EXOC2: variants seen among roughly 807,000 people sequenced by gnomAD.
EXOC2 encodes the protein exocyst complex component 2, also known as SEC5-like 1.
Under a neutral mutation model 131.8 loss-of-function variants are expected in EXOC2, and 70 were observed. The ratio of observed to expected loss-of-function variants is 0.53; its 90% CI spans 0.44 to 0.65. The LOEUF (loss-of-function observed/expected upper bound fraction) is 0.65, where lower values mean the gene tolerates loss of function less well. Among genes scored for constraint, EXOC2 ranks in the 30% least tolerant of loss-of-function variants. EXOC2 has a pLI of 0.00. For synonymous variants in EXOC2, 411 were observed against 398.4 expected (o/e 1.03, Z -0.38); for missense variants, 923 against 1,108.6 (o/e 0.83, Z 2.38).
In EXOC2 at chr6:564,196, T is replaced by A. The variant is rs781710929; in HGVS notation, c.1668-42A>T. 1.4e-5 allele frequency: 22 copies of A among 1,603,388 alleles called. No homozygotes were observed. The East Asian group carries it at 4.7e-4, about 34-fold the overall frequency. On this transcript the variant is annotated intron_variant, in intron 15 of 27. Transcript: ENST00000230449. ...CCAAACAGAAGTGAGCAGAGTGGGA[T>A]CGCAAAGCAATCCCTAGCATCTCTT...
intron 1 of EXOC2, among the ~76,000 whole-genome samples, chr6:683,090 C>G (rs756695391): frequency 3.2e-4 from 48 of 152,222 alleles, no homozygotes; most frequent in Non-Finnish European, 6.3e-4. Flanking sequence ...TACTGAAACC[C>G]AGGGTGAAGA....
intron 25 of EXOC2, among the ~76,000 whole-genome samples, chr6:495,384 A>G (rs1275063985): frequency 1.3e-5 from 2 of 150,772 alleles, no homozygotes; most frequent in Non-Finnish European, 2.9e-5. Flanking sequence ...TCGGCCTCCC[A>G]AAGTGCTGGG....
At chr6:559,972 C>T (rs1581438409) in intron 17 of EXOC2, among the ~76,000 whole-genome samples, 1 of 152,222 alleles carries the variant, frequency 6.6e-6, no homozygotes, top group African/African-American at 2.4e-5. Context: ...AACCTGCCTG[C>T]ACCTGCTTCA....
chr6:533,866 G>A (rs2493037), intron 22 of EXOC2, among the ~76,000 whole-genome samples: 28,925 of 152,074 alleles, frequency 0.19, 3,682 homozygotes, highest in African/African-American at 0.36. Context: ...GAGCTGCAAC[G>A]AACTACAGTG....
At chr6:556,044 G>A (rs770895377) in intron 18 of EXOC2, 31 bp from the exon 19 acceptor site, 1 of 1,607,388 alleles carries the variant, frequency 6.2e-7, no homozygotes, top group Admixed American at 1.7e-5. Flanking sequence ...GAAAATTTTT[G>A]GACTTTGCTA....
intron 1 of EXOC2, among the ~76,000 whole-genome samples, chr6:661,301 A>T (rs1763413933): frequency 6.6e-6 from 1 of 152,200 alleles, no homozygotes; most frequent in African/African-American, 2.4e-5. Flanking sequence ...CACCTGGGAA[A>T]TTCATTGCAA....
rs182136759 is a variant in EXOC2, at chr6:559,762, A to G, written c.1851+3022T>C. ...GGTCTGGAGGCTTCCAGGGAAGCAC[A>G]CACTGGCTGACCACGTGTACCCGAG... is the stretch of plus-strand genomic sequence containing the variant. On this transcript the variant is annotated intron_variant, in intron 17 of 27. Coordinates refer to ENST00000230449, the MANE Select transcript of EXOC2 (RefSeq NM_018303.6). Among the ~76,000 whole-genome samples the G allele has an allele frequency of 1.7e-3, 253 of 152,344 alleles. 2 individuals are homozygous for G. Among genetic ancestry groups the G allele is most frequent in the African/African-American group, 4.9e-3 (204 of 41,584 alleles).
At chr6:645,481 T>C (rs1021099656) in intron 1 of EXOC2, among the ~76,000 whole-genome samples, 1 of 152,142 alleles carries the variant, frequency 6.6e-6, no homozygotes, top group Non-Finnish European at 1.5e-5. Context: ...AGAAAATAAA[T>C]AGGCAACTAC....
chr6:652,293 G>A lies in EXOC2; in HGVS notation c.-43-14432C>T, dbSNP rs188083886. On this transcript the variant is annotated intron_variant, in intron 1 of 27. Coordinates refer to ENST00000230449, the MANE Select transcript of EXOC2 (RefSeq NM_018303.6). ...GCATTAAATCAGAATCTAGCCCAACGGAAACACATCTTAGTAAGCCAGAGG... is the reference window on the plus strand; with the variant it reads ...GCATTAAATCAGAATCTAGCCCAACAGAAACACATCTTAGTAAGCCAGAGG... Among the ~76,000 whole-genome samples the A allele has an allele frequency of 1.2e-4, 18 of 152,236 alleles. No individual in the cohort carries two copies. The East Asian group carries it at 2.5e-3, about 21-fold the overall frequency.
chr6:588,572 G>C (rs1444557679), intron 11 of EXOC2, among the ~76,000 whole-genome samples: 2 of 152,128 alleles, frequency 1.3e-5, no homozygotes, highest in Non-Finnish European at 1.5e-5. Flanking sequence ...CCAGGCTGGT[G>C]TTGAACTCCT....
At chr6:596,723 A>G (rs1267965754) in intron 10 of EXOC2, among the ~76,000 whole-genome samples, 1 of 152,190 alleles carries the variant, frequency 6.6e-6, no homozygotes, top group Non-Finnish European at 1.5e-5. Context: ...ATAAATACAT[A>G]GTCTGTCATT....
intron 23 of EXOC2, among the ~76,000 whole-genome samples, chr6:513,125 G>A (rs768428500): frequency 3.3e-5 from 5 of 152,190 alleles, no homozygotes; most frequent in African/African-American, 4.8e-5. Context: ...GTCTTTTGGC[G>A]GGCATAAACA....
At chr6:515,123 G>A (rs372691876) in intron 23 of EXOC2, among the ~76,000 whole-genome samples, 49 of 152,198 alleles carry the variant, frequency 3.2e-4, no homozygotes, top group Middle Eastern at 3.4e-3. Flanking sequence ...ACATTGTTAT[G>A]GTATAACAGC....
chr6:656,653 A>C, intron 1 of EXOC2: 6 of 1,607,166 alleles, frequency 3.7e-6, no homozygotes, highest in Non-Finnish European at 4.2e-6. Context: ...TTCAGGGAGG[A>C]CGCGCCCGCT....
chr6:647,781 T>A (rs561236340), intron 1 of EXOC2, among the ~76,000 whole-genome samples: 48 of 151,084 alleles, frequency 3.2e-4, no homozygotes, highest in African/African-American at 1.1e-3. Flanking sequence ...CATTTTGAGG[T>A]CATTTACACA....
chr6:670,989 A>G (rs1340453310), intron 1 of EXOC2, among the ~76,000 whole-genome samples: 4 of 147,672 alleles, frequency 2.7e-5, no homozygotes, highest in African/African-American at 1.0e-4. Flanking sequence ...CTGAGGCAGA[A>G]GGACCACCTA....
rs144720404 is a variant in EXOC2 at position 597,365 on chromosome 6, T to C, written c.1073+656A>G. Among the ~76,000 whole-genome samples the C allele has an allele frequency of 4.1e-3, 631 of 152,050 alleles. 3 individuals carry two copies. Among genetic ancestry groups the C allele is most frequent in the Middle Eastern group, 0.01 (3 of 294 alleles). On this transcript the variant is annotated intron_variant, in intron 10 of 27. Coordinates refer to ENST00000230449, the MANE Select transcript of EXOC2 (RefSeq NM_018303.6). ...CTGATTTTTGTATTTTTAGTAGAGA[T>C]GGGGTTTCACCACATTGGTCAGGCT... is the stretch of plus-strand genomic sequence containing the variant.
chr6:591,100 T>A lies in EXOC2; in HGVS notation c.1192+1369A>T, dbSNP rs1214266879. Among the ~76,000 whole-genome samples, 5 of 152,336 alleles carry A rather than the reference T, an allele frequency of 3.3e-5. No homozygotes were observed. In the East Asian group the frequency reaches 9.6e-4, roughly 29 times the overall value. The stretch of plus-strand genomic sequence containing the variant: ...TATCAGTTCTATTCCTGAACGGCCC[T>A]GGAGTCCATGCTCTTCTTCACATTC... On this transcript the variant is annotated intron_variant, in intron 11 of 27. Transcript: ENST00000230449.
rs755349538 is a variant in EXOC2, at chr6:499,638, A to G, written c.2436+7T>C. On this transcript the variant is annotated splice_region_variant and intron_variant, in intron 24 of 27. Coordinates refer to ENST00000230449, the MANE Select transcript of EXOC2 (RefSeq NM_018303.6). The stretch of plus-strand genomic sequence containing the variant: ...ATATCTCTTAGGAACATCTAATGAT[A>G]CTTTACCTCTGCATGCACGGCAATT... 1.9e-6 allele frequency: 3 copies of G among 1,611,712 alleles called. No individual in the cohort carries two copies. The highest frequency in any genetic ancestry group is 2.5e-6 in the Non-Finnish European group (3 of 1,178,120).
Sources: gnomAD v4.1 joint callset for allele counts (sites outside exome capture counted in the v4.1 genomes callset) on GRCh38, gnomAD v4.1.1 for gene constraint, MANE v1.5 for transcripts, NCBI Gene and HGNC (gene_info 2026-07-23, HGNC 2026-07-21) for gene names.